The following LLPH variants were observed in gnomAD, a reference collection of about 807,000 sequenced individuals.
LLPH encodes LLP homolog, long-term synaptic facilitation factor.
A neutral mutation model predicts 13.3 loss-of-function variants in LLPH; 5 were observed. The observed-to-expected ratio is 0.38, with a 90% CI of 0.20 to 0.79. The LOEUF (loss-of-function observed/expected upper bound fraction) is 0.79. LLPH is among the 30% of genes least tolerant of loss of function. The pLI is 0.45. For synonymous variants in LLPH, 32 were observed against 44.2 expected (o/e 0.72, Z 1.09); for missense variants, 129 against 152.1 (o/e 0.85, Z 0.80).
intron 1 of LLPH, 152 bp downstream of exon 1, chr12:66,130,553 G>A (rs1009883640): frequency 2.6e-5 from 4 of 152,256 alleles, no homozygotes; most frequent in African/African-American, 9.7e-5. Flanking sequence ...ACCAAAAAGA[G>A]CAAGGGGAAC....
intron 2 of LLPH, among the ~76,000 whole-genome samples, chr12:66,126,354 C>G (rs547730432): frequency 6.9e-6 from 1 of 145,150 alleles, no homozygotes; most frequent in South Asian, 2.2e-4. Context: ...AAAAGAAAAA[C>G]TTTTAGAAAT....
intron 2 of LLPH, 76 bp from the exon 3 acceptor site, chr12:66,124,094 A>T (rs1048977173): frequency 4.5e-6 from 4 of 890,752 alleles, no homozygotes; most frequent in Non-Finnish European, 5.2e-6. Context: ...TAATGCACTG[A>T]GAACATCAGA....
At chr12:66,126,725 G>A (rs932024908) in intron 2 of LLPH, among the ~76,000 whole-genome samples, 2 of 152,114 alleles carry the variant, frequency 1.3e-5, no homozygotes, top group East Asian at 3.9e-4. Flanking sequence ...GAGGTCAGGA[G>A]TTCAAGACCA....
In LLPH at chr12:66,117,857, G is replaced by T. The variant is rs555639802; in HGVS notation, c.*5983C>A. On this transcript the variant is annotated 3_prime_UTR_variant, in exon 3 of 3. Transcript: ENST00000266604. ...AAAAGAAATTAAAAAATTAAAAATT[G>T]TGGAAATAGAAAAAAGCTTATAAAA... The T allele has an allele frequency of 1.3e-5, 2 of 152,222 alleles. No homozygotes were observed. Among genetic ancestry groups the T allele is most frequent in the African/African-American group, 4.8e-5 (2 of 41,546 alleles). 9.4% of individuals were successfully genotyped at this position (152,222 alleles called of 1,614,324 possible). A position where few individuals can be genotyped will look rare whatever the true frequency, so the allele number is the denominator to read the frequency against.
chr12:66,125,717 G>C (rs2051492271), intron 2 of LLPH, among the ~76,000 whole-genome samples: 1 of 152,122 alleles, frequency 6.6e-6, no homozygotes, highest in Non-Finnish European at 1.5e-5. Context: ...GCAGTTGACA[G>C]ACCCTCTCCC....
At position 66,123,069 on chromosome 12, in the gene LLPH, T is replaced by G. The variant is rs2051473548; in HGVS notation, c.*771A>C. 6.6e-6 allele frequency: 1 copy of G among 151,912 alleles called. No homozygotes were observed. The highest frequency in any genetic ancestry group is 2.1e-4 in the South Asian group (1 of 4,822). The allele number at this position is 151,912 out of a possible 1,614,324, so 9.4% of individuals were successfully genotyped here. ...GAAAAAAAAATCAGACTTGAAGATC[T>G]ACACACAAAATATCTTTTATTCTGT... On this transcript the variant is annotated 3_prime_UTR_variant, in exon 3 of 3. Coordinates refer to ENST00000266604, the MANE Select transcript of LLPH (RefSeq NM_032338.4).
intron 1 of LLPH, 36 bp from the exon 2 acceptor site, chr12:66,129,149 C>A (rs2136831832): frequency 7.3e-7 from 1 of 1,377,846 alleles, no homozygotes; most frequent in Middle Eastern, 1.8e-4. Flanking sequence ...AAAAGCAAAT[C>A]TTTAATATAA....
rs2051447086 is a variant in LLPH, at chr12:66,119,048, T to C, written c.*4792A>G. On this transcript the variant is annotated 3_prime_UTR_variant, in exon 3 of 3. Transcript: ENST00000266604. ...CTTCCTTAAATCAAATAAAAGTCTG[T>C]CTCTCTGTAGCTTTCCATCATAGGT... The C allele has an allele frequency of 6.6e-6, 1 of 152,166 alleles. No homozygotes were observed. Among genetic ancestry groups the C allele is most frequent in the African/African-American group, 2.4e-5 (1 of 41,440 alleles). 9.4% of individuals were successfully genotyped at this position (152,166 alleles called of 1,614,324 possible).
rs1280435670 is a variant in LLPH at position 66,124,012 on chromosome 12, A to G, written c.218T>C (p.Met73Thr). Residue 73 changes from methionine to threonine, a missense_variant, in exon 3 of 3, where the codon ATG (methionine) becomes ACG (threonine). Physicochemically the swap from Met to Thr is moderately conservative, Grantham distance 81 (BLOSUM62 -1). Transcript: ENST00000266604. ...QCEVKDEKDD[M>T]KMETDIKRNK... ...TCTCTTAATATCAGTCTCCATTTTC[A>G]TGTCATCTGCATAAAAAGATGGAAA... The G allele has an allele frequency of 2.4e-5, 38 of 1,597,792 alleles. No individual in the cohort carries two copies. The East Asian group carries it at 8.5e-4, about 36-fold the overall frequency.
chr12:66,118,782 T>C lies in LLPH; in HGVS notation c.*5058A>G, dbSNP rs982326576. 2 of 152,210 alleles carry C rather than the reference T, an allele frequency of 1.3e-5. No individual in the cohort carries two copies. Among genetic ancestry groups the C allele is most frequent in the Non-Finnish European group, 2.9e-5 (2 of 68,038 alleles). 9.4% of individuals were successfully genotyped at this position (152,210 alleles called of 1,614,324 possible). On this transcript the variant is annotated 3_prime_UTR_variant, in exon 3 of 3. Transcript: ENST00000266604. ...TCATTTAGTGACATATGACTATATA[T>C]GGGAGGATGGGCATGGGTTATATGC...
Position 66,129,090 on chromosome 12 carries a change from C to T in LLPH, c.17G>A (p.Arg6Gln), listed in dbSNP as rs1053182333. 3.1e-6 allele frequency: 5 copies of T among 1,610,488 alleles called. No individual in the cohort carries two copies. Among genetic ancestry groups the T allele is most frequent in the East Asian group, 2.2e-5 (1 of 44,868 alleles). ...ACGCATCTTTCTTTTCCACTTACTC[C>T]GTAAGCTTTTAGCCATGTTTTACCT... MAKSL[R>Q]SKWKRKMRAE... The change falls in exon 2 of 3, where the codon CGG (arginine) becomes CAG (glutamine). Residue 6 changes from arginine (R) to glutamine (Q), a missense_variant. Transcript: ENST00000266604.
In LLPH at chr12:66,117,949, G is replaced by A. The variant is rs2051439159; in HGVS notation, c.*5891C>T. 6.6e-6 allele frequency: 1 copy of A among 152,168 alleles called. No individual in the cohort carries two copies. Among genetic ancestry groups the A allele is most frequent in the Non-Finnish European group, 1.5e-5 (1 of 68,038 alleles). 9.4% of individuals were successfully genotyped at this position (152,168 alleles called of 1,614,324 possible). On this transcript the variant is annotated 3_prime_UTR_variant, in exon 3 of 3. Coordinates refer to ENST00000266604, the MANE Select transcript of LLPH (RefSeq NM_032338.4). ...TTAAGGTAAGTGTTATGATAAAAGGGTTATACAGTTTAAAAAATTAAAACG... is the reference window on the plus strand; with the variant it reads ...TTAAGGTAAGTGTTATGATAAAAGGATTATACAGTTTAAAAAATTAAAACG...
In LLPH at chr12:66,120,670, A is replaced by C. The variant is rs951805091; in HGVS notation, c.*3170T>G. ...CCAAAATGATTTGGTGCTTAGCTTG[A>C]GCTCCATCTTGTGGCTTTACAGCAA... On this transcript the variant is annotated 3_prime_UTR_variant, in exon 3 of 3. Transcript: ENST00000266604. 1.4e-4 allele frequency: 21 copies of C among 152,222 alleles called. No individual in the cohort carries two copies. The highest frequency in any genetic ancestry group is 2.9e-5 in the Non-Finnish European group (2 of 68,040). 9.4% of individuals were successfully genotyped at this position (152,222 alleles called of 1,614,324 possible).
chr12:66,122,603 A>G lies in LLPH; in HGVS notation c.*1237T>C, dbSNP rs1176413894. On this transcript the variant is annotated 3_prime_UTR_variant, in exon 3 of 3. Coordinates refer to ENST00000266604, the MANE Select transcript of LLPH (RefSeq NM_032338.4). ...CTAAAAGTAAAATAAAAATGAATTT[A>G]GCAAACTGTAGTAAGACAGATTTAA... The G allele has an allele frequency of 6.6e-6, 1 of 152,250 alleles. No individual in the cohort carries two copies. The highest frequency in any genetic ancestry group is 2.4e-5 in the African/African-American group (1 of 41,454). The allele number at this position is 152,250 out of a possible 1,614,324, so 9.4% of individuals were successfully genotyped here.
At position 66,122,803 on chromosome 12, in the gene LLPH, C is replaced by G. The variant is rs1043768941; in HGVS notation, c.*1037G>C. ...CAATTTATTTTTTTTAACCAAGCAT[C>G]CAGAGGAAACTGATACTGAAGAACA... On this transcript the variant is annotated 3_prime_UTR_variant, in exon 3 of 3. Transcript: ENST00000266604. 1 of 151,940 alleles carries G rather than the reference C, an allele frequency of 6.6e-6. No individual in the cohort carries two copies. Among genetic ancestry groups the G allele is most frequent in the Non-Finnish European group, 1.5e-5 (1 of 68,002 alleles). The allele number at this position is 151,940 out of a possible 1,614,324, so 9.4% of individuals were successfully genotyped here.
rs1342613671 is a variant in LLPH at position 66,122,185 on chromosome 12, C to A, written c.*1655G>T. 6.6e-6 allele frequency: 1 copy of A among 152,128 alleles called. No individual in the cohort carries two copies. The highest frequency in any genetic ancestry group is 6.5e-5 in the Admixed American group (1 of 15,278). 9.4% of individuals were successfully genotyped at this position (152,128 alleles called of 1,614,324 possible). A position where few individuals can be genotyped will look rare whatever the true frequency, so the allele number is the denominator to read the frequency against. On this transcript the variant is annotated 3_prime_UTR_variant, in exon 3 of 3. Coordinates refer to ENST00000266604, the MANE Select transcript of LLPH (RefSeq NM_032338.4). ...AAAAGTCTACTATATTTAAACAATT[C>A]CAAGAGTTTACTGGCATCAAATTTT... is the stretch of plus-strand genomic sequence containing the variant.
Position 66,128,993 on chromosome 12 carries a change from A to T in LLPH, c.114T>A (p.Asp38Glu). 6.2e-7 allele frequency: 1 copy of T among 1,612,940 alleles called. No individual in the cohort carries two copies. The highest frequency in any genetic ancestry group is 8.5e-7 in the Non-Finnish European group (1 of 1,178,980). ...RLKSILKLDG[D>E]VLMKDVQEIA... ...TCTCTTGAACATCTTTCATTAAAAC[A>T]TCACCGTCTAGTTTGAGAATACTTT... is the stretch of plus-strand genomic sequence containing the variant. The change falls in exon 2 of 3, where the codon GAT becomes GAA. Residue 38 changes from aspartate to glutamate, a missense_variant. By Grantham distance (45) the Asp-to-Glu change is conservative. Transcript: ENST00000266604.
rs10715438 is a variant in LLPH, at chr12:66,121,280, CTTTT to C, written c.*2556_*2559del. 12 of 121,134 alleles carry C rather than the reference CTTTT, an allele frequency of 9.9e-5. No individual in the cohort carries two copies. The highest frequency in any genetic ancestry group is 2.6e-4 in the Admixed American group (3 of 11,508). The allele number at this position is 121,134 out of a possible 1,614,324, so 7.5% of individuals were successfully genotyped here. ...AACTGTGTAATATCACGAATGTAGA[CTTTT>C]TTTTTTTTTTTTTTTGAGATGGAGT... On this transcript the variant is annotated 3_prime_UTR_variant, in exon 3 of 3. Transcript: ENST00000266604.
chr12:66,123,860 C>A lies in LLPH; in HGVS notation c.370G>T (p.Ala124Ser), dbSNP rs548981790. 1.9e-6 allele frequency: 3 copies of A among 1,611,984 alleles called. No individual in the cohort carries two copies. The East Asian group carries it at 6.7e-5, about 36-fold the overall frequency. Reference protein sequence around the residue: ...GKSKAKAVKVAKGLAW With the variant: ...GKSKAKAVKVSKGLAW The stretch of plus-strand genomic sequence containing the variant: ...AGAGTCTACCAGGCCAAACCCTTTG[C>A]CACTTTCACTGCTTTTGCTTTGCTT... The change falls in exon 3 of 3, where the codon GCA becomes TCA. Residue 124 changes from alanine (A) to serine (S), a missense_variant. Ala to Ser is a moderately conservative substitution (Grantham distance 99). Coordinates refer to ENST00000266604, the MANE Select transcript of LLPH (RefSeq NM_032338.4).
Sources: gnomAD v4.1 joint callset for allele counts (sites outside exome capture counted in the v4.1 genomes callset) on GRCh38, gnomAD v4.1.1 for gene constraint, MANE v1.5 for transcripts, NCBI Gene and HGNC (gene_info 2026-07-23, HGNC 2026-07-21) for gene names.